The following SLC15A5 variants were observed in gnomAD, a reference collection of about 807,000 sequenced individuals.
The protein encoded by SLC15A5 is solute carrier family 15 member 5.
A neutral mutation model predicts 56.1 loss-of-function variants in SLC15A5; 58 were observed. The ratio of observed to expected loss-of-function variants is 1.03; its 90% CI spans 0.84 to 1.29. SLC15A5 has a LOEUF of 1.29. Ranked by LOEUF, SLC15A5 falls within the 50% of genes most tolerant of loss-of-function variation. SLC15A5 has a pLI of 0.00. For missense variants in SLC15A5, 681 were observed against 672.1 expected (o/e 1.01, Z -0.15); for synonymous variants, 264 against 250.5 (o/e 1.05, Z -0.51).
intron 7 of SLC15A5, among the ~76,000 whole-genome samples, chr12:16,200,493 T>C (rs1208560304): frequency 6.6e-6 from 1 of 152,074 alleles, no homozygotes; most frequent in Non-Finnish European, 1.5e-5. Context: ...AGAAGAGATG[T>C]AGAGAATTAA....
chr12:16,231,933 G>T (rs928107380), intron 5 of SLC15A5, among the ~76,000 whole-genome samples: 2 of 152,194 alleles, frequency 1.3e-5, no homozygotes, highest in Non-Finnish European at 2.9e-5. Context: ...TAGCTGGGGG[G>T]AGATTCTCAT....
intron 3 of SLC15A5, among the ~76,000 whole-genome samples, chr12:16,245,281 C>T (rs1164076401): frequency 6.6e-6 from 1 of 152,086 alleles, no homozygotes; most frequent in Admixed American, 6.5e-5. Context: ...GAAATGTAAT[C>T]TCTGCTTTGA....
At chr12:16,231,525 G>T (rs977199962) in intron 5 of SLC15A5, among the ~76,000 whole-genome samples, 1 of 152,196 alleles carries the variant, frequency 6.6e-6, no homozygotes, top group Non-Finnish European at 1.5e-5. Flanking sequence ...AGAAGCTCAT[G>T]ACTTGAAGGC....
intron 7 of SLC15A5, among the ~76,000 whole-genome samples, chr12:16,199,018 A>T (rs1251814903): frequency 1.3e-5 from 2 of 151,968 alleles, no homozygotes; most frequent in Non-Finnish European, 2.9e-5. Flanking sequence ...TAGTTCCCCT[A>T]TTAGCCAGGC....
At position 16,270,785 on chromosome 12, in the gene SLC15A5, C is replaced by T. The variant is rs113861817; in HGVS notation, c.584+1776G>A. ...CTCTGTCCATCTTGTCACCAGCCCCCGCACTGTGTACAGGAATGGAATCAG... is the reference window on the plus strand; with the variant it reads ...CTCTGTCCATCTTGTCACCAGCCCCTGCACTGTGTACAGGAATGGAATCAG... On this transcript the variant is annotated intron_variant, in intron 2 of 8. Transcript: ENST00000344941. 7.5e-3 allele frequency among the ~76,000 whole-genome samples: 1,148 copies of T among 152,208 alleles called. 11 individuals are homozygous for T. Among genetic ancestry groups the T allele is most frequent in the African/African-American group, 0.026 (1,077 of 41,524 alleles).
At chr12:16,238,218 A>C (rs946464106) in intron 5 of SLC15A5, among the ~76,000 whole-genome samples, 1 of 152,194 alleles carries the variant, frequency 6.6e-6, no homozygotes, top group African/African-American at 2.4e-5. Flanking sequence ...ATCTTGAGTG[A>C]TCTGGTAGAT....
chr12:16,251,637 T>C (rs1864519990), intron 3 of SLC15A5, among the ~76,000 whole-genome samples: 1 of 151,710 alleles, frequency 6.6e-6, no homozygotes, highest in Non-Finnish European at 1.5e-5. Context: ...ATAAAAAATC[T>C]GAAAAGACCT....
At chr12:16,190,732 A>G (rs1376709456) in intron 8 of SLC15A5, among the ~76,000 whole-genome samples, 1 of 152,106 alleles carries the variant, frequency 6.6e-6, no homozygotes, top group Non-Finnish European at 1.5e-5. Context: ...TTCTCAGTAC[A>G]TTACTAAAAA....
At chr12:16,223,709 A>C (rs1864210798) in intron 6 of SLC15A5, among the ~76,000 whole-genome samples, 1 of 136,632 alleles carries the variant, frequency 7.3e-6, no homozygotes, top group South Asian at 3.1e-4. Context: ...TTTTTGGAGG[A>C]GTATAAATGA....
At chr12:16,274,293 A>T (rs892944539) in intron 1 of SLC15A5, among the ~76,000 whole-genome samples, 5 of 152,092 alleles carry the variant, frequency 3.3e-5, no homozygotes, top group Admixed American at 1.3e-4. Context: ...CCATCATTGT[A>T]TGAGAAGATC....
At chr12:16,213,391 C>A (rs1864101913) in intron 7 of SLC15A5, among the ~76,000 whole-genome samples, 1 of 152,150 alleles carries the variant, frequency 6.6e-6, no homozygotes, top group African/African-American at 2.4e-5. Flanking sequence ...TGGTCTGACT[C>A]CAGAACCTAT....
At chr12:16,255,985 G>A (rs57342898) in intron 3 of SLC15A5, among the ~76,000 whole-genome samples, 7,917 of 152,246 alleles carry the variant, frequency 0.052, 308 homozygotes, top group African/African-American at 0.11. Flanking sequence ...GTACCAACAT[G>A]AAGGGGACTT....
chr12:16,226,219 G>A (rs552546507), intron 5 of SLC15A5, among the ~76,000 whole-genome samples: 1 of 152,072 alleles, frequency 6.6e-6, no homozygotes, highest in Non-Finnish European at 1.5e-5. Flanking sequence ...CTAATACAAT[G>A]CAAATAGTAT....
At chr12:16,275,166 G>A (rs549027169) in intron 1 of SLC15A5, among the ~76,000 whole-genome samples, 50 of 152,168 alleles carry the variant, frequency 3.3e-4, no homozygotes, top group African/African-American at 9.6e-4. Flanking sequence ...ACACAGAGAA[G>A]CTAGCAACAA....
intron 2 of SLC15A5, among the ~76,000 whole-genome samples, chr12:16,270,930 C>G (rs527454956): frequency 4.1e-4 from 63 of 152,324 alleles, no homozygotes; most frequent in African/African-American, 1.4e-3. Context: ...CTTCAAGGAT[C>G]TTACCATCCA....
At chr12:16,222,823 C>G (rs112871568) in intron 6 of SLC15A5, among the ~76,000 whole-genome samples, 6,569 of 152,282 alleles carry the variant, frequency 0.043, 185 homozygotes, top group African/African-American at 0.068. Context: ...ATTATTTACT[C>G]TATACCAGCC....
intron 5 of SLC15A5, among the ~76,000 whole-genome samples, chr12:16,232,339 G>C (rs1864307056): frequency 6.6e-6 from 1 of 152,124 alleles, no homozygotes; most frequent in African/African-American, 2.4e-5. Flanking sequence ...CACATTTATA[G>C]ATTTGAAGAG....
At position 16,271,045 on chromosome 12, in the gene SLC15A5, T is replaced by C. The variant is rs1362656259; in HGVS notation, c.584+1516A>G. Among the ~76,000 whole-genome samples, 1 of 152,128 alleles carries C rather than the reference T, an allele frequency of 6.6e-6. No homozygotes were observed. The highest frequency in any genetic ancestry group is 1.5e-5 in the Non-Finnish European group (1 of 68,024). On this transcript the variant is annotated intron_variant, in intron 2 of 8. Coordinates refer to ENST00000344941, the MANE Select transcript of SLC15A5 (RefSeq NM_001170798.1). This position sits in a 1 kb window ranked among gnomAD's most constrained non-coding sequence, Gnocchi z 8.0. ...CTGTTTAGTGAAATCAGAAAATAAT[T>C]TTTAAAAATCTAAATATGTTCATCC...
At chr12:16,252,756 C>T (rs1434419789) in intron 3 of SLC15A5, among the ~76,000 whole-genome samples, 2 of 151,970 alleles carry the variant, frequency 1.3e-5, no homozygotes, top group African/African-American at 2.4e-5. Flanking sequence ...TCAATGCAAT[C>T]CCTGTCAAAA....
Sources: allele counts gnomAD v4.1 joint callset (sites outside exome capture counted in the v4.1 genomes callset), GRCh38; gene constraint gnomAD v4.1.1; non-coding constraint Gnocchi (gnomAD v3.1); transcripts MANE v1.5; gene names NCBI Gene and HGNC (gene_info 2026-07-23, HGNC 2026-07-21).